Variants in HDAC3 observed in about 807,000 individuals in gnomAD.
The protein encoded by HDAC3 is SMAP45.
HDAC3 carries 21 observed loss-of-function variants against 62.3 expected under a neutral mutation model. The observed-to-expected ratio is 0.34, with a 90% CI of 0.24 to 0.49. The LOEUF is 0.49. Among genes scored for constraint, HDAC3 ranks in the 20% least tolerant of loss-of-function variants. The pLI is 0.99. For missense variants in HDAC3, 270 were observed against 556.9 expected, an observed-to-expected ratio of 0.48 and a Z score of 5.19; for synonymous variants, 198 against 206.5, an observed-to-expected ratio of 0.96 and a Z score of 0.35.
intron 2 of HDAC3, chr5:141,635,202 C>T (rs1440824661): frequency 7.2e-6 from 3 of 417,798 alleles, no homozygotes; most frequent in African/African-American, 6.1e-5. Flanking sequence ...ACTTTGAGCC[C>T]TGATCCACCT....
chr5:141,628,524 G>C lies in HDAC3; in HGVS notation c.691+35C>G, dbSNP rs1450777811. On this transcript the variant is annotated intron_variant, in intron 8 of 14. Transcript: ENST00000305264. The surrounding 1 kb of genome is among the most constrained non-coding windows in gnomAD (Gnocchi z 4.7). ...GGTTATTTCAAGGAGAAAAAGAAGG[G>C]GCCTAGGGAACAGAGGGAAGACTTC... 2.0e-6 allele frequency: 3 copies of C among 1,533,464 alleles called. No homozygotes were observed. Among genetic ancestry groups the C allele is most frequent in the Middle Eastern group, 3.4e-4 (2 of 5,942 alleles). The allele number at this position is 1,533,464 out of a possible 1,614,324, so 95.0% of individuals were successfully genotyped here. A position where few individuals can be genotyped will look rare whatever the true frequency, so the allele number is the denominator to read the frequency against.
chr5:141,629,072 T>G lies in HDAC3; in HGVS notation c.610+101A>C. Reference sequence around the variant, plus strand: ...CTGGAGTGGTAAGGAAAGGCTTCTCTGAGGAGGGGACACCTGAGATGAGAC... The same window carrying G: ...CTGGAGTGGTAAGGAAAGGCTTCTCGGAGGAGGGGACACCTGAGATGAGAC... On this transcript the variant is annotated intron_variant, in intron 7 of 14. Coordinates refer to ENST00000305264, the MANE Select transcript of HDAC3 (RefSeq NM_003883.4). This position sits in a 1 kb window ranked among gnomAD's most constrained non-coding sequence, Gnocchi z 5.3. 1 of 1,245,884 alleles carries G rather than the reference T, an allele frequency of 8.0e-7. No individual in the cohort carries two copies. Among genetic ancestry groups the G allele is most frequent in the Non-Finnish European group, 1.1e-6 (1 of 883,126 alleles). 77.2% of individuals were successfully genotyped at this position (1,245,884 alleles called of 1,614,324 possible).
Position 141,636,843 on chromosome 5 carries a change from C to G in HDAC3, c.-53G>C. ...TCCGCCGCCCGCCGCCCGCGGCCGC[C>G]GCCAGCCCCTCCCCGGCCGTGCGTG... On this transcript the variant is annotated 5_prime_UTR_variant, in exon 1 of 15. Coordinates refer to ENST00000305264, the MANE Select transcript of HDAC3 (RefSeq NM_003883.4). 1 of 1,381,638 alleles carries G rather than the reference C, an allele frequency of 7.2e-7. No individual in the cohort carries two copies. The highest frequency in any genetic ancestry group is 1.5e-5 in the African/African-American group (1 of 65,860). The allele number at this position is 1,381,638 out of a possible 1,614,324, so 85.6% of individuals were successfully genotyped here. A position where few individuals can be genotyped will look rare whatever the true frequency, so the allele number is the denominator to read the frequency against.
In HDAC3 at chr5:141,629,308, T is replaced by A; in HGVS notation, c.477-2A>T. 6.2e-7 allele frequency: 1 copy of A among 1,614,132 alleles called. No homozygotes were observed. The highest frequency in any genetic ancestry group is 8.5e-7 in the Non-Finnish European group (1 of 1,180,006). On this transcript the variant is annotated splice_acceptor_variant, in intron 6 of 14. Coordinates refer to ENST00000305264, the MANE Select transcript of HDAC3 (RefSeq NM_003883.4). LOFTEE classifies it high-confidence loss of function. This position sits in a 1 kb window ranked among gnomAD's most constrained non-coding sequence, Gnocchi z 5.3. Reference sequence around the variant, plus strand: ...ATGTAGAGCACCCGAGGGTGGTACCTAGAGGGAAGCCAAAGCCAGGGTCTG... The same window carrying A: ...ATGTAGAGCACCCGAGGGTGGTACCAAGAGGGAAGCCAAAGCCAGGGTCTG...
chr5:141,624,981 G>A (rs780111161), intron 14 of HDAC3: 5 of 514,198 alleles, frequency 9.7e-6, no homozygotes, highest in Non-Finnish European at 1.7e-5. Context: ...GAATAGGTCT[G>A]GGATTGTGTG....
Position 141,636,832 on chromosome 5 carries a change from C to T in HDAC3, c.-42G>A. The T allele has an allele frequency of 4.9e-6, 7 of 1,442,128 alleles. No individual in the cohort carries two copies. Among genetic ancestry groups the T allele is most frequent in the African/African-American group, 1.5e-5 (1 of 67,554 alleles). The allele number at this position is 1,442,128 out of a possible 1,614,324, so 89.3% of individuals were successfully genotyped here. ...GGCCCCGCACCTCCGCCGCCCGCCG[C>T]CCGCGGCCGCCGCCAGCCCCTCCCC... On this transcript the variant is annotated 5_prime_UTR_variant, in exon 1 of 15. Coordinates refer to ENST00000305264, the MANE Select transcript of HDAC3 (RefSeq NM_003883.4).
At chr5:141,630,425 C>A (rs1002805258) in intron 3 of HDAC3, among the ~76,000 whole-genome samples, 1 of 152,180 alleles carries the variant, frequency 6.6e-6, no homozygotes, top group Non-Finnish European at 1.5e-5. Context: ...AAAAGGAAAT[C>A]AGTTGAAAGA....
intron 14 of HDAC3, among the ~76,000 whole-genome samples, chr5:141,622,690 G>C (rs989715731): frequency 2.0e-5 from 3 of 152,170 alleles, no homozygotes; most frequent in Non-Finnish European, 4.4e-5. Flanking sequence ...CACTAAGCCA[G>C]GAAAGGCCTT....
In HDAC3 at chr5:141,629,082, A is replaced by C; in HGVS notation, c.610+91T>G. The stretch of plus-strand genomic sequence containing the variant: ...AAGGAAAGGCTTCTCTGAGGAGGGG[A>C]CACCTGAGATGAGACTAGAAGGCTG... On this transcript the variant is annotated intron_variant, in intron 7 of 14. Coordinates refer to ENST00000305264, the MANE Select transcript of HDAC3 (RefSeq NM_003883.4). The surrounding 1 kb of genome is among the most constrained non-coding windows in gnomAD (Gnocchi z 5.3). The C allele has an allele frequency of 1.5e-6, 2 of 1,331,704 alleles. No homozygotes were observed. The highest frequency in any genetic ancestry group is 2.1e-6 in the Non-Finnish European group (2 of 952,924). The allele number at this position is 1,331,704 out of a possible 1,614,324, so 82.5% of individuals were successfully genotyped here. A position where few individuals can be genotyped will look rare whatever the true frequency, so the allele number is the denominator to read the frequency against.
chr5:141,636,502 CA>C (rs761915192), intron 2 of HDAC3, 45 bp downstream of exon 2: 13 of 1,567,350 alleles, frequency 8.3e-6, no homozygotes, highest in Non-Finnish European at 1.1e-5. Context: ...CCTACGGCCA[CA>C]GCTCGCCCCA....
rs2099904440 is a variant in HDAC3 at position 141,626,506 on chromosome 5, C to G, written c.831-223G>C. The G allele has an allele frequency of 7.5e-6, 4 of 532,340 alleles. No individual in the cohort carries two copies. In the East Asian group the frequency reaches 1.4e-4, roughly 18 times the overall value. 33.0% of individuals were successfully genotyped at this position (532,340 alleles called of 1,614,324 possible). ...AGCACAGTCCCCCCTCTGTTCTGCT[C>G]AACACCCTCCCTGGCACCCTGCCTG... On this transcript the variant is annotated intron_variant, in intron 10 of 14. Coordinates refer to ENST00000305264, the MANE Select transcript of HDAC3 (RefSeq NM_003883.4). This position sits in a 1 kb window ranked among gnomAD's most constrained non-coding sequence, Gnocchi z 4.6.
At position 141,629,475 on chromosome 5, in the gene HDAC3, G is replaced by T. The variant is rs2099904895; in HGVS notation, c.477-169C>A. 1.0e-6 allele frequency: 1 copy of T among 977,430 alleles called. No individual in the cohort carries two copies. The highest frequency in any genetic ancestry group is 1.6e-5 in the African/African-American group (1 of 61,468). 60.5% of individuals were successfully genotyped at this position (977,430 alleles called of 1,614,324 possible). A position where few individuals can be genotyped will look rare whatever the true frequency, so the allele number is the denominator to read the frequency against. ...GGGGGCTCCAGCCTAGAGGCTAGAG[G>T]CAGGGACAGGAGAGGGATATGCAGA... On this transcript the variant is annotated intron_variant, in intron 6 of 14. Transcript: ENST00000305264. The surrounding 1 kb of genome is among the most constrained non-coding windows in gnomAD (Gnocchi z 5.3).
At position 141,625,648 on chromosome 5, in the gene HDAC3, A is replaced by C; in HGVS notation, c.1059+37T>G. 1 of 1,593,596 alleles carries C rather than the reference A, an allele frequency of 6.3e-7. No homozygotes were observed. The highest frequency in any genetic ancestry group is 8.6e-7 in the Non-Finnish European group (1 of 1,161,380). Reference sequence around the variant, plus strand: ...TGACCTCTCCTGGGCTCCACCTTTCAGGAGAAGTTTGTGCTCAGCTTTTCT... The same window carrying C: ...TGACCTCTCCTGGGCTCCACCTTTCCGGAGAAGTTTGTGCTCAGCTTTTCT... On this transcript the variant is annotated intron_variant, in intron 13 of 14. Coordinates refer to ENST00000305264, the MANE Select transcript of HDAC3 (RefSeq NM_003883.4). This position sits in a 1 kb window ranked among gnomAD's most constrained non-coding sequence, Gnocchi z 4.0.
chr5:141,625,017 G>A lies in HDAC3; in HGVS notation c.1217+191C>T, dbSNP rs1281448234. 1 of 590,282 alleles carries A rather than the reference G, an allele frequency of 1.7e-6. No homozygotes were observed. The highest frequency in any genetic ancestry group is 3.5e-5 in the Admixed American group (1 of 28,684). 36.6% of individuals were successfully genotyped at this position (590,282 alleles called of 1,614,324 possible). A position where few individuals can be genotyped will look rare whatever the true frequency, so the allele number is the denominator to read the frequency against. ...AACGCCAACACCATATTTTGGTGCT[G>A]TTTTAAAATTTTGCAATAAATACGT... On this transcript the variant is annotated intron_variant, in intron 14 of 14. Coordinates refer to ENST00000305264, the MANE Select transcript of HDAC3 (RefSeq NM_003883.4). This position sits in a 1 kb window ranked among gnomAD's most constrained non-coding sequence, Gnocchi z 4.0.
intron 3 of HDAC3, among the ~76,000 whole-genome samples, chr5:141,630,370 C>T (rs936314107): frequency 7.2e-5 from 11 of 152,212 alleles, no homozygotes; most frequent in African/African-American, 2.7e-4. Context: ...TGTATCCTAG[C>T]TGCGGAAAGA....
chr5:141,634,713 G>T, intron 3 of HDAC3, 98 bp downstream of exon 3: 1 of 1,150,188 alleles, frequency 8.7e-7, no homozygotes, highest in Non-Finnish European at 1.3e-6. Context: ...GCATTGACAA[G>T]TAGGCCCCCC....
intron 2 of HDAC3, chr5:141,635,932 T>A (rs1336008604): frequency 6.6e-6 from 1 of 152,574 alleles, no homozygotes; most frequent in Non-Finnish European, 1.5e-5. Flanking sequence ...CTATCCCATA[T>A]CACAGCCATA....
chr5:141,631,057 C>T (rs528993702), intron 3 of HDAC3, among the ~76,000 whole-genome samples: 2 of 151,536 alleles, frequency 1.3e-5, no homozygotes, highest in South Asian at 4.2e-4. Flanking sequence ...TTACTGTATG[C>T]AAGTTATACC....
chr5:141,621,286 C>A lies in HDAC3; in HGVS notation c.*182G>T. 4.8e-6 allele frequency: 3 copies of A among 627,900 alleles called. No individual in the cohort carries two copies. Among genetic ancestry groups the A allele is most frequent in the Middle Eastern group, 4.1e-4 (1 of 2,418 alleles). The allele number at this position is 627,900 out of a possible 1,614,324, so 38.9% of individuals were successfully genotyped here. ...ATCCCTAATAGGTACCATTGTCAGG[C>A]CTTGGGAGAGAGAGGAAAAGCAGGT... On this transcript the variant is annotated 3_prime_UTR_variant, in exon 15 of 15. Transcript: ENST00000305264.
Sources: gnomAD v4.1 joint callset for allele counts (sites outside exome capture counted in the v4.1 genomes callset) on GRCh38, gnomAD v4.1.1 for gene constraint, Gnocchi (gnomAD v3.1) non-coding constraint, MANE v1.5 for transcripts, NCBI Gene and HGNC (gene_info 2026-07-23, HGNC 2026-07-21) for gene names.